IL4: variants seen among roughly 807,000 people sequenced by gnomAD.
IL4 encodes the protein interleukin-4.
In IL4, 10 loss-of-function variants were observed where a neutral mutation model predicts 17.4. The observed-to-expected ratio is 0.57, with a 90% CI of 0.35 to 0.97. The LOEUF is 0.97. IL4 is among the 50% of genes least tolerant of loss of function. The probability of loss-of-function intolerance (pLI) is 0.01; values close to 1 mark genes in which losing one functional copy is unlikely to be tolerated. For missense variants in IL4, 174 were observed against 187.7 expected, an observed-to-expected ratio of 0.93 and a Z score of 0.43; for synonymous variants, 87 against 79.0, an observed-to-expected ratio of 1.10 and a Z score of -0.54.
At position 132,679,665 on chromosome 5, in the gene IL4, C is replaced by T. The variant is rs772553005; in HGVS notation, c.184-49C>T. On this transcript the variant is annotated intron_variant, in intron 2 of 3. Transcript: ENST00000231449. ...TCAAGAGGAAAAATCTCTCTCCCAT[C>T]CTCCAAATGGAGCTGGCACATTGCT... is the stretch of plus-strand genomic sequence containing the variant. The T allele has an allele frequency of 4.7e-6, 7 of 1,499,896 alleles. No homozygotes were observed. The South Asian group carries it at 7.5e-5, about 16-fold the overall frequency. The allele number at this position is 1,499,896 out of a possible 1,614,324, so 92.9% of individuals were successfully genotyped here. A position where few individuals can be genotyped will look rare whatever the true frequency, so the allele number is the denominator to read the frequency against.
intron 2 of IL4, chr5:132,677,654 G>GGGTCAAAATTAAGTTTAATTTCCA (rs1387481070): frequency 2.0e-5 from 3 of 151,958 alleles, no homozygotes; most frequent in African/African-American, 7.3e-5. Flanking sequence ...GGCCATATAC[G>GGGTCAAAATTAAGTTTAATTTCCA]GGTCAAAATT....
At chr5:132,681,092 A>T (rs1480137202) in intron 3 of IL4, among the ~76,000 whole-genome samples, 1 of 152,232 alleles carries the variant, frequency 6.6e-6, no homozygotes, top group African/African-American at 2.4e-5. Flanking sequence ...TCTGGAACTT[A>T]GGGGAGAGGT....
chr5:132,677,857 C>T (rs1202886763), intron 2 of IL4: 4 of 152,288 alleles, frequency 2.6e-5, no homozygotes, highest in African/African-American at 4.8e-5. Context: ...CCTTCCACCT[C>T]GACTCGCCTA....
At chr5:132,679,048 C>G (rs1752434888) in intron 2 of IL4, among the ~76,000 whole-genome samples, 1 of 152,210 alleles carries the variant, frequency 6.6e-6, no homozygotes, top group Admixed American at 6.5e-5. Flanking sequence ...GGCACCTGCT[C>G]CCAGAGCCTC....
chr5:132,677,524 G>A (rs1752403588), intron 2 of IL4, among the ~76,000 whole-genome samples: 1 of 152,180 alleles, frequency 6.6e-6, no homozygotes, highest in African/African-American at 2.4e-5. Flanking sequence ...CTGCCCTTAG[G>A]ATGCATTCTT....
chr5:132,681,958 C>T (rs1752496575), intron 3 of IL4, among the ~76,000 whole-genome samples: 1 of 152,156 alleles, frequency 6.6e-6, no homozygotes, highest in African/African-American at 2.4e-5. Context: ...GTAGTACATC[C>T]TAAGCAATAC....
chr5:132,682,661 A>ACT lies in IL4; in HGVS notation c.*74_*75insCT, dbSNP rs1752510958. 2.8e-6 allele frequency: 2 copies of ACT among 705,814 alleles called. No individual in the cohort carries two copies. Among genetic ancestry groups the ACT allele is most frequent in the Non-Finnish European group, 4.6e-6 (2 of 434,484 alleles). The allele number at this position is 705,814 out of a possible 1,614,324, so 43.7% of individuals were successfully genotyped here. ...ATATTTATAACTCATCATAAAATAA[A>ACT]GTATATATAGAATCTAACAGCAATG... On this transcript the variant is annotated 3_prime_UTR_variant, in exon 4 of 4. Coordinates refer to ENST00000231449, the MANE Select transcript of IL4 (RefSeq NM_000589.4).
At chr5:132,679,310 C>A (rs1752440710) in intron 2 of IL4, among the ~76,000 whole-genome samples, 1 of 152,194 alleles carries the variant, frequency 6.6e-6, no homozygotes, top group Non-Finnish European at 1.5e-5. Context: ...TGACTGAGAG[C>A]TCATGTGGGC....
chr5:132,679,751 C>T lies in IL4; in HGVS notation c.221C>T (p.Thr74Ile), dbSNP rs201694257. 6.2e-6 allele frequency: 10 copies of T among 1,614,016 alleles called. No individual in the cohort carries two copies. In the Admixed American group the frequency reaches 1.0e-4, roughly 16 times the overall value. The change falls in exon 3 of 4, where the codon ACT becomes ATT. Residue 74 changes from threonine to isoleucine, a missense_variant. Thr to Ile is a moderately conservative substitution (Grantham distance 89, BLOSUM62 -1). Coordinates refer to ENST00000231449, the MANE Select transcript of IL4 (RefSeq NM_000589.4). ...AAGGAAACCTTCTGCAGGGCTGCGACTGTGCTCCGGCAGTTCTACAGCCAC... is the reference window on the plus strand; with the variant it reads ...AAGGAAACCTTCTGCAGGGCTGCGATTGTGCTCCGGCAGTTCTACAGCCAC... ...TEKETFCRAA[T>I]VLRQFYSHHE...
In IL4 at chr5:132,674,078, C is replaced by G. The variant is rs765889733; in HGVS notation, c.28C>G (p.Pro10Ala). 7 of 1,614,090 alleles carry G rather than the reference C, an allele frequency of 4.3e-6. No individual in the cohort carries two copies. Among genetic ancestry groups the G allele is most frequent in the Non-Finnish European group, 5.1e-6 (6 of 1,180,032 alleles). ...GGGTCTCACCTCCCAACTGCTTCCC[C>G]CTCTGTTCTTCCTGCTAGCATGTGC... is the stretch of plus-strand genomic sequence containing the variant. The part of the protein sequence containing the change: MGLTSQLLP[P>A]LFFLLACAGN... The change falls in exon 1 of 4, where the codon CCT becomes GCT. Residue 10 changes from proline (P) to alanine (A), a missense_variant. Coordinates refer to ENST00000231449, the MANE Select transcript of IL4 (RefSeq NM_000589.4).
At chr5:132,674,624 T>A in intron 2 of IL4, 118 bp downstream of exon 2, 1 of 780,894 alleles carries the variant, frequency 1.3e-6, no homozygotes, top group East Asian at 2.5e-5. Context: ...AGGTGTTAGA[T>A]GTTTTCAAAG....
At chr5:132,679,981 C>G (rs1752455836) in intron 3 of IL4, 91 bp downstream of exon 3, 6 of 1,030,582 alleles carry the variant, frequency 5.8e-6, no homozygotes, top group Non-Finnish European at 8.4e-6. Context: ...GCTGCAGCAC[C>G]CTTGGTCAAC....
Position 132,675,849 on chromosome 5 carries a change from A to ATATGTGTGTG in IL4, c.183+1344_183+1345insATGTGTGTGT, listed in dbSNP as rs145664855. The stretch of plus-strand genomic sequence containing the variant: ...AGCCACTGCACCTGGGCAACAGTTT[A>ATATGTGTGTG]TGTGTGTGTGTGTGTGTGTGTGTGT... On this transcript the variant is annotated intron_variant, in intron 2 of 3. Coordinates refer to ENST00000231449, the MANE Select transcript of IL4 (RefSeq NM_000589.4). Among the ~76,000 whole-genome samples the ATATGTGTGTG allele has an allele frequency of 3.5e-5, 5 of 144,924 alleles. No homozygotes were observed. In the East Asian group the frequency reaches 1.0e-3, roughly 30 times the overall value.
rs2243276 is a variant in IL4 at position 132,679,279 on chromosome 5, T to C, written c.184-435T>C. Among the ~76,000 whole-genome samples the C allele has an allele frequency of 3.5e-3, 538 of 152,220 alleles. 4 individuals are homozygous for C. The highest frequency in any genetic ancestry group is 0.012 in the African/African-American group (479 of 41,534). ...CCAGGGAAAGCTGGATTTTAAAACC[T>C]CTGGGAACAAGAGCAGAACCTGACT... On this transcript the variant is annotated intron_variant, in intron 2 of 3. Coordinates refer to ENST00000231449, the MANE Select transcript of IL4 (RefSeq NM_000589.4).
At chr5:132,675,915 A>ATGTGTGTG (rs1409107227) in intron 2 of IL4, among the ~76,000 whole-genome samples, 1 of 98,310 alleles carries the variant, frequency 1.0e-5, no homozygotes, top group African/African-American at 4.7e-5. Flanking sequence ...GTGTATGTAT[A>ATGTGTGTG]TATGTGTATG....
At position 132,679,860 on chromosome 5, in the gene IL4, C is replaced by G; in HGVS notation, c.330C>G (p.Leu110=). Residue 110 remains leucine (L), a synonymous_variant, in exon 3 of 4, where the codon CTC becomes CTG. Coordinates refer to ENST00000231449, the MANE Select transcript of IL4 (RefSeq NM_000589.4). ...AGCTGATCCGATTCCTGAAACGGCT[C>G]GACAGGAACCTCTGGGGCCTGGCGG... The part of the protein sequence containing the change: ...HKQLIRFLKR[L]DRNLWGLAGL... 6.2e-7 allele frequency: 1 copy of G among 1,613,588 alleles called. No homozygotes were observed. Among genetic ancestry groups the G allele is most frequent in the Non-Finnish European group, 8.5e-7 (1 of 1,179,870 alleles).
In IL4 at chr5:132,679,792, C is replaced by G; in HGVS notation, c.262C>G (p.Arg88Gly). 1 of 1,614,042 alleles carries G rather than the reference C, an allele frequency of 6.2e-7. No homozygotes were observed. Among genetic ancestry groups the G allele is most frequent in the South Asian group, 1.1e-5 (1 of 91,076 alleles). ...CTACAGCCACCATGAGAAGGACACT[C>G]GCTGCCTGGGTGCGACTGCACAGCA... ...QFYSHHEKDT[R>G]CLGATAQQFH... The change falls in exon 3 of 4, where the codon CGC becomes GGC. Residue 88 changes from arginine to glycine, a missense_variant. Physicochemically the swap from Arg to Gly is moderately radical, Grantham distance 125 (BLOSUM62 -2). Coordinates refer to ENST00000231449, the MANE Select transcript of IL4 (RefSeq NM_000589.4).
chr5:132,682,426 T>C, intron 3 of IL4, 60 bp from the exon 4 acceptor site: 2 of 1,008,450 alleles, frequency 2.0e-6, no homozygotes, highest in Admixed American at 1.8e-5. Flanking sequence ...CTTGATCAAG[T>C]AGACAGGCAG....
Position 132,674,592 on chromosome 5 carries a change from G to A in IL4, c.183+86G>A, listed in dbSNP as rs1011256570. On this transcript the variant is annotated intron_variant, in intron 2 of 3. Coordinates refer to ENST00000231449, the MANE Select transcript of IL4 (RefSeq NM_000589.4). ...ACAAGAAACTTGTCTAATGGAAAAC[G>A]AGCGGGCCCAAATTAACTCTAAGGT... 1.3e-5 allele frequency: 14 copies of A among 1,091,304 alleles called. No individual in the cohort carries two copies. In the East Asian group the frequency reaches 1.7e-4, roughly 13 times the overall value. 67.6% of individuals were successfully genotyped at this position (1,091,304 alleles called of 1,614,324 possible). A position where few individuals can be genotyped will look rare whatever the true frequency, so the allele number is the denominator to read the frequency against.
Sources: gnomAD v4.1 joint callset for allele counts (sites outside exome capture counted in the v4.1 genomes callset) on GRCh38, gnomAD v4.1.1 for gene constraint, MANE v1.5 for transcripts, NCBI Gene and HGNC (gene_info 2026-07-23, HGNC 2026-07-21) for gene names.